Variants in PROZ observed in about 807,000 individuals in gnomAD.
PROZ encodes vitamin K-dependent protein Z.
In PROZ, 46 loss-of-function variants were observed where a neutral mutation model predicts 34.9. The observed-to-expected ratio is 1.32, with a 90% CI of 1.04 to 1.69. The LOEUF is 1.69. PROZ is among the 40% of genes most tolerant of loss of function. The probability of loss-of-function intolerance (pLI) is 0.00; values close to 1 mark genes in which losing one functional copy is unlikely to be tolerated. For synonymous variants in PROZ, 195 were observed against 208.5 expected, an observed-to-expected ratio of 0.94 and a Z score of 0.56; for missense variants, 530 against 520.4, an observed-to-expected ratio of 1.02 and a Z score of -0.18.
rs1313710400 is a variant in PROZ, at chr13:113,171,457, C to T, written c.692-137C>T. ...TGTCCGCAGAAAGGCACAGTGTCCACACCACGGGGCGGTGAGCCTGCGGGT... is the reference window on the plus strand; with the variant it reads ...TGTCCGCAGAAAGGCACAGTGTCCATACCACGGGGCGGTGAGCCTGCGGGT... On this transcript the variant is annotated intron_variant, in intron 7 of 7. Transcript: ENST00000375547. The surrounding 1 kb of genome is among the most constrained non-coding windows in gnomAD (Gnocchi z 5.1). The T allele has an allele frequency of 2.5e-5, 26 of 1,039,378 alleles. No homozygotes were observed. The highest frequency in any genetic ancestry group is 3.3e-5 in the Non-Finnish European group (23 of 705,494). The allele number at this position is 1,039,378 out of a possible 1,614,324, so 64.4% of individuals were successfully genotyped here. A position where few individuals can be genotyped will look rare whatever the true frequency, so the allele number is the denominator to read the frequency against.
At chr13:113,161,259 C>G (rs551685013) in intron 3 of PROZ, among the ~76,000 whole-genome samples, 2 of 152,254 alleles carry the variant, frequency 1.3e-5, no homozygotes, top group African/African-American at 2.4e-5. Context: ...AGGGCCCCCC[C>G]AGAGCAGCTC....
chr13:113,161,093 C>T (rs748271338), intron 3 of PROZ, 121 bp downstream of exon 3: 13 of 904,814 alleles, frequency 1.4e-5, no homozygotes, highest in African/African-American at 8.2e-5. Context: ...CCAGGACCCA[C>T]GGTGTCTCTC....
At position 113,171,646 on chromosome 13, in the gene PROZ, T is replaced by A; in HGVS notation, c.744T>A (p.His248Gln). ...TGATGATCAAGATAACGCACGTCCA[T>A]GTGCACATGCGGTATGACGCGGACG... is the stretch of plus-strand genomic sequence containing the variant. ...DPLMIKITHV[H>Q]VHMRYDADAG... The change falls in exon 8 of 8, where the codon CAT (histidine) becomes CAA (glutamine). Residue 248 changes from histidine (H) to glutamine (Q), a missense_variant. Physicochemically the swap from His to Gln is conservative, Grantham distance 24 (BLOSUM62 0). Transcript: ENST00000375547. The surrounding 1 kb of genome is among the most constrained non-coding windows in gnomAD (Gnocchi z 5.1). 6.2e-7 allele frequency: 1 copy of A among 1,614,140 alleles called. No homozygotes were observed. The highest frequency in any genetic ancestry group is 8.5e-7 in the Non-Finnish European group (1 of 1,180,044).
rs1169756730 is a variant in PROZ at position 113,160,837 on chromosome 13, T to A, written c.235-111T>A. On this transcript the variant is annotated intron_variant, in intron 2 of 7. Coordinates refer to ENST00000375547, the MANE Select transcript of PROZ (RefSeq NM_003891.3). ...TTGTGCATTGTTTCAACCACTATTG[T>A]CCTATTAAGTGAATAAAATCAACAT... is the stretch of plus-strand genomic sequence containing the variant. The A allele has an allele frequency of 7.6e-6, 7 of 926,148 alleles. No individual in the cohort carries two copies. In the East Asian group the frequency reaches 1.5e-4, roughly 20 times the overall value. The allele number at this position is 926,148 out of a possible 1,614,324, so 57.4% of individuals were successfully genotyped here.
rs936750274 is a variant in PROZ, at chr13:113,172,081, C to G, written c.1179C>G (p.Leu393=). The change falls in exon 8 of 8, where the codon CTC becomes CTG. Residue 393 remains leucine, a synonymous_variant. Transcript: ENST00000375547. ...TCACCAAGGTCTCCAGGTACTCACTCTGGTTTAAACAGATCATGAACTAAC... is the reference window on the plus strand; with the variant it reads ...TCACCAAGGTCTCCAGGTACTCACTGTGGTTTAAACAGATCATGAACTAAC... ...VLVTKVSRYS[L]WFKQIMN 1.7e-5 allele frequency: 27 copies of G among 1,612,840 alleles called. No individual in the cohort carries two copies. Among genetic ancestry groups the G allele is most frequent in the Non-Finnish European group, 2.2e-5 (26 of 1,180,022 alleles).
chr13:113,161,067 T>A, intron 3 of PROZ, 95 bp downstream of exon 3: 1 of 1,130,014 alleles, frequency 8.8e-7, no homozygotes. Flanking sequence ...GCTCAGCGGA[T>A]GCCAAGCCTC....
intron 4 of PROZ, 121 bp downstream of exon 4, chr13:113,163,243 G>A (rs556611649): frequency 1.3e-5 from 11 of 842,818 alleles, no homozygotes; most frequent in East Asian, 2.7e-5. Context: ...TGTGTGAACC[G>A]CGATTTGGCT....
chr13:113,170,214 A>G (rs748465791), intron 6 of PROZ, among the ~76,000 whole-genome samples, 199 bp from the exon 7 acceptor site: 4 of 151,200 alleles, frequency 2.6e-5, no homozygotes, highest in Non-Finnish European at 4.4e-5. Context: ...TAAGCAAACA[A>G]AAGCTTAGAC....
In PROZ at chr13:113,171,925, TGA is replaced by T. The variant is rs758340261; in HGVS notation, c.1028_1029del (p.Arg343LysfsTer53). 3 of 1,613,396 alleles carry T rather than the reference TGA, an allele frequency of 1.9e-6. No individual in the cohort carries two copies. In the Admixed American group the frequency reaches 5.0e-5, roughly 27 times the overall value. On this transcript the variant is annotated frameshift_variant, in exon 8 of 8. Coordinates refer to ENST00000375547, the MANE Select transcript of PROZ (RefSeq NM_003891.3). LOFTEE classifies it low-confidence loss of function (END_TRUNC). The surrounding 1 kb of genome is among the most constrained non-coding windows in gnomAD (Gnocchi z 5.1). ...TGACTGTCACCACCAGGACCTACTG[TGA>T]GAGAAGCAGCGTGGCGGCCATGCAC... ...NVTVTTRTYC[E>X]RSSVAAMHWM...
At chr13:113,163,439 G>A (rs889575501) in intron 4 of PROZ, among the ~76,000 whole-genome samples, 7 of 152,006 alleles carry the variant, frequency 4.6e-5, no homozygotes, top group Non-Finnish European at 8.8e-5. Context: ...ACACACAGGC[G>A]TCCTCAGTGC....
In PROZ at chr13:113,172,115, A is replaced by G. The variant is rs2037128068; in HGVS notation, c.*10A>G. The G allele has an allele frequency of 6.2e-7, 1 of 1,611,126 alleles. No homozygotes were observed. The highest frequency in any genetic ancestry group is 8.5e-7 in the Non-Finnish European group (1 of 1,178,980). ...ACAGATCATGAACTAACTGAAACTCAGCTAGCCAGAATGAACAACACAACC... is the reference window on the plus strand; with the variant it reads ...ACAGATCATGAACTAACTGAAACTCGGCTAGCCAGAATGAACAACACAACC... On this transcript the variant is annotated 3_prime_UTR_variant, in exon 8 of 8. Coordinates refer to ENST00000375547, the MANE Select transcript of PROZ (RefSeq NM_003891.3).
chr13:113,161,148 GC>G (rs2138574394), intron 3 of PROZ, among the ~76,000 whole-genome samples, 176 bp downstream of exon 3: 1 of 152,312 alleles, frequency 6.6e-6, no homozygotes, highest in South Asian at 2.1e-4. Context: ...AGGTCAGGAA[GC>G]CCCCGGGCTC....
chr13:113,170,356 T>C lies in PROZ; in HGVS notation c.574-57T>C, dbSNP rs2138608180. 12 of 1,079,690 alleles carry C rather than the reference T, an allele frequency of 1.1e-5. No individual in the cohort carries two copies. The South Asian group carries it at 1.5e-4, about 13-fold the overall frequency. The allele number at this position is 1,079,690 out of a possible 1,614,324, so 66.9% of individuals were successfully genotyped here. A position where few individuals can be genotyped will look rare whatever the true frequency, so the allele number is the denominator to read the frequency against. On this transcript the variant is annotated intron_variant, in intron 6 of 7. Coordinates refer to ENST00000375547, the MANE Select transcript of PROZ (RefSeq NM_003891.3). Reference sequence around the variant, plus strand: ...CATATCCCTATCCAGTAGACTTTACTGCCCCTAATCCTGCAAATTGTCACC... The same window carrying C: ...CATATCCCTATCCAGTAGACTTTACCGCCCCTAATCCTGCAAATTGTCACC...
At chr13:113,167,060 T>C (rs759094981) in intron 6 of PROZ, among the ~76,000 whole-genome samples, 1 of 152,222 alleles carries the variant, frequency 6.6e-6, no homozygotes, top group Non-Finnish European at 1.5e-5. Context: ...ACTGAATATA[T>C]GGAATTTTCC....
Position 113,171,612 on chromosome 13 carries a change from A to G in PROZ, c.710A>G (p.Gln237Arg), listed in dbSNP as rs1286170415. 6.2e-7 allele frequency: 1 copy of G among 1,614,202 alleles called. No individual in the cohort carries two copies. The highest frequency in any genetic ancestry group is 2.2e-5 in the East Asian group (1 of 44,894). The change falls in exon 8 of 8, where the codon CAA becomes CGA. Residue 237 changes from glutamine to arginine, a missense_variant. Coordinates refer to ENST00000375547, the MANE Select transcript of PROZ (RefSeq NM_003891.3). The surrounding 1 kb of genome is among the most constrained non-coding windows in gnomAD (Gnocchi z 5.1). ...ATTTCAGATTTTAACAGAACGAGCC[A>G]AGACCCGCTGATGATCAAGATAACG... The part of the protein sequence containing the change: ...TVKTYFNRTS[Q>R]DPLMIKITHV...
At position 113,171,913 on chromosome 13, in the gene PROZ, C is replaced by T. The variant is rs139164186; in HGVS notation, c.1011C>T (p.Thr337=). Residue 337 remains threonine, a synonymous_variant, in exon 8 of 8, where the codon ACC becomes ACT. Coordinates refer to ENST00000375547, the MANE Select transcript of PROZ (RefSeq NM_003891.3). This position sits in a 1 kb window ranked among gnomAD's most constrained non-coding sequence, Gnocchi z 5.1. ...AGGTCCTGAATGTGACTGTCACCAC[C>T]AGGACCTACTGTGAGAGAAGCAGCG... ...CGQVLNVTVT[T]RTYCERSSVA... The T allele has an allele frequency of 1.9e-5, 31 of 1,613,778 alleles. No individual in the cohort carries two copies. The highest frequency in any genetic ancestry group is 2.5e-5 in the Non-Finnish European group (30 of 1,180,050).
At chr13:113,170,085 A>G (rs993314114) in intron 6 of PROZ, among the ~76,000 whole-genome samples, 1 of 152,202 alleles carries the variant, frequency 6.6e-6, no homozygotes, top group African/African-American at 2.4e-5. Flanking sequence ...GGGGATTACG[A>G]TTCCTGAAAA....
intron 6 of PROZ, among the ~76,000 whole-genome samples, chr13:113,169,804 G>A (rs1290815994): frequency 6.6e-5 from 10 of 152,322 alleles, no homozygotes; most frequent in Middle Eastern, 3.4e-3. Context: ...GTTCTTACCC[G>A]GCCATAATTA....
intron 5 of PROZ, 66 bp from the exon 6 acceptor site, chr13:113,164,987 A>AG (rs1247616013): frequency 6.8e-7 from 1 of 1,471,450 alleles, no homozygotes; most frequent in East Asian, 2.3e-5. Flanking sequence ...TTAACACCAT[A>AG]GACAGAGTCC....
Sources: allele counts gnomAD v4.1 joint callset (sites outside exome capture counted in the v4.1 genomes callset), GRCh38; gene constraint gnomAD v4.1.1; non-coding constraint Gnocchi (gnomAD v3.1); transcripts MANE v1.5; gene names NCBI Gene and HGNC (gene_info 2026-07-23, HGNC 2026-07-21).